The following XRCC3 variants were observed in gnomAD, a reference collection of about 807,000 sequenced individuals.
XRCC3 encodes the protein X-ray repair cross complementing 3, also known as DNA repair protein XRCC3.
A neutral mutation model predicts 29.2 loss-of-function variants in XRCC3; 34 were observed. That is an observed-to-expected ratio of 1.16 (90% CI 0.88 to 1.55). The LOEUF (loss-of-function observed/expected upper bound fraction) is 1.55, where lower values mean the gene tolerates loss of function less well. Ranked by LOEUF, XRCC3 falls within the 40% of genes most tolerant of loss-of-function variation. The pLI is 0.00. For missense variants in XRCC3, 463 were observed against 467.6 expected (o/e 0.99, Z 0.09); for synonymous variants, 223 against 211.3 (o/e 1.06, Z -0.48).
At chr14:103,710,530 G>T (rs1469430616) in intron 4 of XRCC3, 1 of 154,114 alleles carries the variant, frequency 6.5e-6, no homozygotes, top group African/African-American at 2.4e-5. Context: ...CACGAGGTCA[G>T]GAGATCAAGA....
chr14:103,708,729 G>T, intron 4 of XRCC3, 70 bp from the exon 5 acceptor site: 3 of 1,604,216 alleles, frequency 1.9e-6, no homozygotes. Flanking sequence ...AGTGACAAAA[G>T]GTGCTTTGTT....
At chr14:103,703,654 G>A in intron 6 of XRCC3, 6 of 326,754 alleles carry the variant, frequency 1.8e-5, no homozygotes, top group South Asian at 2.2e-5. Flanking sequence ...CCTTCCCCCT[G>A]TGAACCTCCG....
Position 103,707,099 on chromosome 14 carries a change from C to A in XRCC3, c.310G>T (p.Glu104Ter). 6.4e-7 allele frequency: 1 copy of A among 1,553,652 alleles called. No individual in the cohort carries two copies. The highest frequency in any genetic ancestry group is 8.7e-7 in the Non-Finnish European group (1 of 1,149,316). ...RGGLPLDGIT[E>*]LAGRSSAGKT... is the part of the protein sequence containing the mutation. ...CCTGCCGAGCTGCGTCCGGCCAGCT[C>A]AGTGATGCCGTCCAGGGGCAGGCCA... Residue 104 changes from glutamate to a stop codon, truncating the protein, a stop_gained, in exon 6 of 10, where the codon GAG becomes TAG. Coordinates refer to ENST00000555055, the MANE Select transcript of XRCC3 (RefSeq NM_005432.4). LOFTEE classifies it high-confidence loss of function.
At chr14:103,712,191 G>A (rs910051636) in intron 2 of XRCC3, 3 of 171,404 alleles carry the variant, frequency 1.8e-5, no homozygotes, top group African/African-American at 7.2e-5. Context: ...GGTGCTCCAG[G>A]ATGCGTTTCC....
chr14:103,708,557 G>A lies in XRCC3; in HGVS notation c.158C>T (p.Ala53Val), dbSNP rs2083521900. The change falls in exon 5 of 10, where the codon GCC becomes GTC. Residue 53 changes from alanine (A) to valine (V), a missense_variant. Coordinates refer to ENST00000555055, the MANE Select transcript of XRCC3 (RefSeq NM_005432.4). ...SPEVWHLLRT[A>V]SLHLRGSSIL... ...GCTGCTTCCCCGCAAGTGTAAGGAG[G>A]CCGTTCTCAGCAAGTGCCAGACCTC... The A allele has an allele frequency of 6.2e-7, 1 of 1,614,088 alleles. No homozygotes were observed. The highest frequency in any genetic ancestry group is 8.5e-7 in the Non-Finnish European group (1 of 1,180,002).
At chr14:103,701,293 C>A in intron 7 of XRCC3, 4 of 1,370,412 alleles carry the variant, frequency 2.9e-6, no homozygotes, top group Non-Finnish European at 4.0e-6. Flanking sequence ...GGCCCCTGGC[C>A]GGGAGCCGCA....
rs761521962 is a variant in XRCC3 at position 103,708,678 on chromosome 14, A to G, written c.56-19T>C. 5 of 1,614,008 alleles carry G rather than the reference A, an allele frequency of 3.1e-6. No individual in the cohort carries two copies. Among genetic ancestry groups the G allele is most frequent in the Non-Finnish European group, 4.2e-6 (5 of 1,179,956 alleles). The stretch of plus-strand genomic sequence containing the variant: ...AGTTTGGCTGAAATAACACAGATAA[A>G]TTACAGGAAAATGTCAGACTGTCAC... On this transcript the variant is annotated intron_variant, in intron 4 of 9. Transcript: ENST00000555055.
intron 4 of XRCC3, chr14:103,709,099 G>A (rs865789469): frequency 1.8e-5 from 6 of 333,160 alleles, no homozygotes; most frequent in East Asian, 8.0e-5. Flanking sequence ...GGGCTGAGCC[G>A]CGGGAGAGGA....
chr14:103,700,777 G>A (rs746705994), intron 7 of XRCC3: 5 of 1,446,910 alleles, frequency 3.5e-6, no homozygotes, highest in Non-Finnish European at 4.7e-6. Flanking sequence ...GGGCCAGGGA[G>A]GGACTTTGCA....
chr14:103,698,692 G>A lies in XRCC3; in HGVS notation c.*106C>T. On this transcript the variant is annotated 3_prime_UTR_variant, in exon 10 of 10. Transcript: ENST00000555055. ...CCGCTGCCCTGGAAGAGCTGTGTCT[G>A]AACCAGGCTCCCAGCTGTGCCACGG... 9.4e-7 allele frequency: 1 copy of A among 1,063,954 alleles called. No individual in the cohort carries two copies. Among genetic ancestry groups the A allele is most frequent in the Non-Finnish European group, 1.4e-6 (1 of 709,582 alleles). 65.9% of individuals were successfully genotyped at this position (1,063,954 alleles called of 1,614,324 possible).
In XRCC3 at chr14:103,703,208, C is replaced by T. The variant is rs762860382; in HGVS notation, c.526G>A (p.Gly176Ser). 6.4e-7 allele frequency: 1 copy of T among 1,570,384 alleles called. No homozygotes were observed. The highest frequency in any genetic ancestry group is 8.6e-7 in the Non-Finnish European group (1 of 1,157,534). Residue 176 changes from glycine to serine, a missense_variant, in exon 7 of 10, where the codon GGC becomes AGC. Coordinates refer to ENST00000555055, the MANE Select transcript of XRCC3 (RefSeq NM_005432.4). ...PGELLQKLRF[G>S]SQIFIEHVAD... ...ACGTGCTCGATGAAGATCTGGCTGCCAAATCGGAGCTTCTGAAGCAGCTCT... is the reference window on the plus strand; with the variant it reads ...ACGTGCTCGATGAAGATCTGGCTGCTAAATCGGAGCTTCTGAAGCAGCTCT...
chr14:103,703,139 C>T, intron 7 of XRCC3, 34 bp downstream of exon 7: 1 of 1,554,882 alleles, frequency 6.4e-7, no homozygotes. Flanking sequence ...AATAGCTTGC[C>T]TTGGGGGTGT....
In XRCC3 at chr14:103,699,583, G is replaced by T. The variant is rs1228351585; in HGVS notation, c.562-7C>A. The T allele has an allele frequency of 6.2e-7, 1 of 1,612,844 alleles. No homozygotes were observed. The highest frequency in any genetic ancestry group is 8.5e-7 in the Non-Finnish European group (1 of 1,179,744). The stretch of plus-strand genomic sequence containing the variant: ...CACACTCCAACAAGGTGTCCTGTGG[G>T]GACAGCTGTCATTGTCTATGCTGGT... On this transcript the variant is annotated splice_polypyrimidine_tract_variant and splice_region_variant and intron_variant, in intron 7 of 9. Coordinates refer to ENST00000555055, the MANE Select transcript of XRCC3 (RefSeq NM_005432.4).
chr14:103,705,957 C>T (rs933188053), intron 6 of XRCC3: 3 of 203,882 alleles, frequency 1.5e-5, no homozygotes, highest in South Asian at 7.7e-5. Context: ...AACTCCTGTC[C>T]TCCCGGCTTC....
At chr14:103,699,272 C>G in intron 8 of XRCC3, 92 bp downstream of exon 8, 1 of 1,540,294 alleles carries the variant, frequency 6.5e-7, no homozygotes, top group East Asian at 2.4e-5. Flanking sequence ...GAGGCCACCT[C>G]ACTGCCACCC....
At chr14:103,703,563 C>T (rs916145970) in intron 6 of XRCC3, 6 of 559,430 alleles carry the variant, frequency 1.1e-5, no homozygotes, top group Non-Finnish European at 1.9e-5. Context: ...CTTCTGACAC[C>T]CAGGCAAGGA....
rs1317337091 is a variant in XRCC3, at chr14:103,698,849, G to A, written c.990C>T (p.Tyr330=). The A allele has an allele frequency of 9.3e-6, 15 of 1,607,472 alleles. No individual in the cohort carries two copies. The highest frequency in any genetic ancestry group is 1.3e-5 in the African/African-American group (1 of 74,818). ...APHLPPSSCS[Y]TISAEGVRGT... Reference sequence around the variant, plus strand: ...CTCGCACCCCTTCGGCACTGATCGTGTAGGAACAGGAGGAGGGGGGCAGGT... The same window carrying A: ...CTCGCACCCCTTCGGCACTGATCGTATAGGAACAGGAGGAGGGGGGCAGGT... The change falls in exon 10 of 10, where the codon TAC becomes TAT. Residue 330 remains tyrosine, a synonymous_variant. Coordinates refer to ENST00000555055, the MANE Select transcript of XRCC3 (RefSeq NM_005432.4).
chr14:103,705,420 C>G (rs1454454114), intron 6 of XRCC3: 6 of 152,404 alleles, frequency 3.9e-5, no homozygotes, highest in African/African-American at 1.4e-4. Flanking sequence ...TGGCTGTGGA[C>G]AGCCCAGCGG....
chr14:103,700,428 T>G, intron 7 of XRCC3: 5 of 464,298 alleles, frequency 1.1e-5, no homozygotes, highest in Non-Finnish European at 1.1e-5. Context: ...TGGTGAGCCA[T>G]GGTGATGGGG....
Sources: gnomAD v4.1 joint callset for allele counts on GRCh38, gnomAD v4.1.1 for gene constraint, MANE v1.5 for transcripts, NCBI Gene and HGNC (gene_info 2026-07-23, HGNC 2026-07-21) for gene names.